Variants in GLYAT observed in about 807,000 individuals in gnomAD.
GLYAT encodes the protein glycine N-acyltransferase.
In GLYAT, 25 loss-of-function variants were observed where a neutral mutation model predicts 22.8. The observed-to-expected ratio is 1.09, with a 90% CI of 0.80 to 1.53. The LOEUF (loss-of-function observed/expected upper bound fraction) is 1.53, where lower values mean the gene tolerates loss of function less well. Among genes scored for constraint, GLYAT ranks in the 40% most tolerant of loss-of-function variants. The pLI is 0.00. For missense variants in GLYAT, 411 were observed against 353.9 expected (o/e 1.16, Z -1.29); for synonymous variants, 140 against 122.7 (o/e 1.14, Z -0.93).
intron 2 of GLYAT, among the ~76,000 whole-genome samples, chr11:58,719,997 T>G (rs1856729417): frequency 6.6e-6 from 1 of 151,994 alleles, no homozygotes; most frequent in Non-Finnish European, 1.5e-5. Context: ...TATTTTAGTT[T>G]AGGATTAAAT....
At position 58,709,868 on chromosome 11, in the gene GLYAT, A is replaced by G; in HGVS notation, c.789T>C (p.Ser263=). 1 of 1,614,050 alleles carries G rather than the reference A, an allele frequency of 6.2e-7. No individual in the cohort carries two copies. The highest frequency in any genetic ancestry group is 8.5e-7 in the Non-Finnish European group (1 of 1,179,924). The change falls in exon 6 of 6, where the codon TCT becomes TCC. Residue 263 remains serine, a synonymous_variant. Coordinates refer to ENST00000344743, the MANE Select transcript of GLYAT (RefSeq NM_201648.3). ...TAGCTTCATTGCTGTAGTCTACATG[A>G]GAATAGACAGGAAACCCAAGTTTGC... ...KLGKLGFPVY[S]HVDYSNEAMQ... is the part of the protein sequence containing the mutation.
At chr11:58,728,927 AAGGAAGGAAGGAAGG>A (rs1856843079) in intron 1 of GLYAT, among the ~76,000 whole-genome samples, 2 of 150,466 alleles carry the variant, frequency 1.3e-5, no homozygotes, top group Non-Finnish European at 3.0e-5. Context: ...GGAAGGAAGG[AAGGAAGGAAGGAAGG>A]AAGGAGAGAA....
chr11:58,726,251 A>G (rs1856811012), intron 1 of GLYAT, among the ~76,000 whole-genome samples: 1 of 152,036 alleles, frequency 6.6e-6, no homozygotes, highest in South Asian at 2.1e-4. Flanking sequence ...TACCTTGTGT[A>G]ACATTTCCCC....
chr11:58,728,886 G>GAA (rs1856840057), intron 1 of GLYAT, among the ~76,000 whole-genome samples: 1 of 109,016 alleles, frequency 9.2e-6, no homozygotes, highest in African/African-American at 3.9e-5. Context: ...AAGAAAGAAA[G>GAA]AAAGAAGGAA....
intron 2 of GLYAT, among the ~76,000 whole-genome samples, chr11:58,717,498 T>A (rs542683): frequency 1.3e-5 from 2 of 151,884 alleles, no homozygotes; most frequent in Admixed American, 6.6e-5. Context: ...GCTTCAGTTT[T>A]CAGGGTTTTA....
chr11:58,728,889 A>AGAAAGAAAGAAAGAAGGAAGGAAG (rs1310407303), intron 1 of GLYAT, among the ~76,000 whole-genome samples: 1 of 101,308 alleles, frequency 9.9e-6, no homozygotes, highest in African/African-American at 4.2e-5. Context: ...AAAGAAAGAA[A>AGAAAGAAAGAAAGAAGGAAGGAAG]GAAGGAAGGA....
chr11:58,719,616 C>T (rs1856724775), intron 2 of GLYAT, among the ~76,000 whole-genome samples: 1 of 151,934 alleles, frequency 6.6e-6, no homozygotes. Flanking sequence ...TAATTTATTG[C>T]CCTGTGTCTC....
chr11:58,724,165 T>C (rs1345806284), intron 2 of GLYAT: 1 of 375,814 alleles, frequency 2.7e-6, no homozygotes, highest in African/African-American at 2.1e-5. Context: ...GGCATAACTA[T>C]GTTCATATCA....
chr11:58,729,651 A>G (rs1304319528), intron 1 of GLYAT, among the ~76,000 whole-genome samples: 1 of 152,226 alleles, frequency 6.6e-6, no homozygotes, highest in Non-Finnish European at 1.5e-5. Context: ...TTCCAAAAGT[A>G]TAGAGACATT....
chr11:58,716,092 G>A (rs1004157539), intron 2 of GLYAT, among the ~76,000 whole-genome samples: 1 of 152,086 alleles, frequency 6.6e-6, no homozygotes, highest in Non-Finnish European at 1.5e-5. Context: ...CCTAGCCTGG[G>A]TCCATTCTTA....
At position 58,715,341 on chromosome 11, in the gene GLYAT, G is replaced by A. The variant is rs1415946806; in HGVS notation, c.164C>T (p.Thr55Ile). Residue 55 changes from threonine (T) to isoleucine (I), a missense_variant, in exon 3 of 6, where the codon ACA becomes ATA. Coordinates refer to ENST00000344743, the MANE Select transcript of GLYAT (RefSeq NM_201648.3). ...AVVDKWPDFN[T>I]VVVCPQEQDM... ...CTGCTCCTGAGGGCAGACAACCACT[G>A]TATTAAAATCAGGCCACTTGTCCAC... The A allele has an allele frequency of 1.3e-6, 2 of 1,566,234 alleles. No individual in the cohort carries two copies. Among genetic ancestry groups the A allele is most frequent in the Non-Finnish European group, 1.8e-6 (2 of 1,136,758 alleles).
intron 1 of GLYAT, among the ~76,000 whole-genome samples, chr11:58,727,800 G>A (rs1454756089): frequency 6.6e-6 from 1 of 152,122 alleles, no homozygotes; most frequent in Non-Finnish European, 1.5e-5. Flanking sequence ...AACACCTTAA[G>A]TGAGCATGCA....
In GLYAT at chr11:58,723,765, G is replaced by A. The variant is rs148468060; in HGVS notation, c.81+651C>T. On this transcript the variant is annotated intron_variant, in intron 2 of 5. Transcript: ENST00000344743. ...ATTGGAACTGCTCTTGCATAGTTCT[G>A]GATGTAGGCATTTATATATATCCAT... is the stretch of plus-strand genomic sequence containing the variant. 2.6e-3 allele frequency among the ~76,000 whole-genome samples: 394 copies of A among 151,710 alleles called. 1 individual carries two copies. Among genetic ancestry groups the A allele is most frequent in the African/African-American group, 9.3e-3 (385 of 41,414 alleles).
chr11:58,725,033 C>G (rs1188548301), intron 1 of GLYAT, among the ~76,000 whole-genome samples: 1 of 152,106 alleles, frequency 6.6e-6, no homozygotes, highest in Non-Finnish European at 1.5e-5. Flanking sequence ...CTCCTCTTTT[C>G]CTCCTCTTCC....
At chr11:58,711,348 C>T (rs1254872109) in intron 4 of GLYAT, among the ~76,000 whole-genome samples, 1 of 152,056 alleles carries the variant, frequency 6.6e-6, no homozygotes, top group Non-Finnish European at 1.5e-5. Flanking sequence ...TATACATAAC[C>T]CTGTCTCCTC....
chr11:58,714,731 A>G (rs1284656675), intron 3 of GLYAT, among the ~76,000 whole-genome samples: 4 of 152,106 alleles, frequency 2.6e-5, no homozygotes, highest in African/African-American at 9.7e-5. Context: ...CACCATGTGA[A>G]GAAGGTCGTG....
intron 3 of GLYAT, among the ~76,000 whole-genome samples, 182 bp from the exon 4 acceptor site, chr11:58,713,068 G>T (rs1056562546): frequency 6.6e-6 from 1 of 151,984 alleles, no homozygotes; most frequent in Non-Finnish European, 1.5e-5. Flanking sequence ...TATGTGCATA[G>T]AATGTTTAAT....
intron 2 of GLYAT, among the ~76,000 whole-genome samples, chr11:58,717,226 T>C (rs1261599420): frequency 1.3e-5 from 2 of 152,144 alleles, no homozygotes; most frequent in African/African-American, 2.4e-5. Context: ...TCAGGTTTCA[T>C]TTAATGTCTT....
chr11:58,713,121 C>T (rs1354286668), intron 3 of GLYAT, among the ~76,000 whole-genome samples: 1 of 151,932 alleles, frequency 6.6e-6, no homozygotes, highest in Non-Finnish European at 1.5e-5. Context: ...TTATTATTTC[C>T]ATGTGTTGAG....
Sources: gnomAD v4.1 joint callset for allele counts (sites outside exome capture counted in the v4.1 genomes callset) on GRCh38, gnomAD v4.1.1 for gene constraint, MANE v1.5 for transcripts, NCBI Gene and HGNC (gene_info 2026-07-23, HGNC 2026-07-21) for gene names.